The following PPFIA2 variants were observed in gnomAD, a reference collection of about 807,000 sequenced individuals.
PPFIA2 encodes the protein liprin-alpha-2.
A neutral mutation model predicts 175.5 loss-of-function variants in PPFIA2; 46 were observed. The observed-to-expected ratio is 0.26, with a 90% CI of 0.21 to 0.34. PPFIA2 has a LOEUF of 0.34. Among genes scored for constraint, PPFIA2 ranks in the 10% least tolerant of loss-of-function variants. The probability of loss-of-function intolerance (pLI) is 1.00; values close to 1 mark genes in which losing one functional copy is unlikely to be tolerated. For synonymous variants in PPFIA2, 568 were observed against 511.4 expected (o/e 1.11, Z -1.49); for missense variants, 1,179 against 1,506.1 (o/e 0.78, Z 3.60).
At chr12:81,579,318 A>T (rs1315986079) in intron 4 of PPFIA2, among the ~76,000 whole-genome samples, 3 of 151,842 alleles carry the variant, frequency 2.0e-5, no homozygotes, top group Admixed American at 2.0e-4. Flanking sequence ...GTTTTAATCA[A>T]GCTCTAATTT....
At chr12:81,484,597 C>A (rs1250909810) in intron 4 of PPFIA2, among the ~76,000 whole-genome samples, 2 of 151,930 alleles carry the variant, frequency 1.3e-5, no homozygotes, top group Non-Finnish European at 1.5e-5. Flanking sequence ...TAGCACTATT[C>A]ATTAGAGTAC....
chr12:81,282,935 A>T, intron 26 of PPFIA2, 75 bp downstream of exon 26: 1 of 1,317,568 alleles, frequency 7.6e-7, no homozygotes, highest in Non-Finnish European at 1.1e-6. Context: ...ATTATGACTT[A>T]TGACAGTTTC....
chr12:81,279,930 TA>T (rs1475628966), intron 27 of PPFIA2, among the ~76,000 whole-genome samples: 1 of 152,130 alleles, frequency 6.6e-6, no homozygotes, highest in Non-Finnish European at 1.5e-5. Context: ...CTGTGTTAAC[TA>T]AAAAATGAGG....
intron 8 of PPFIA2, 24 bp from the exon 9 acceptor site, chr12:81,384,268 G>A (rs369400172): frequency 4.4e-6 from 6 of 1,355,538 alleles, no homozygotes; most frequent in Non-Finnish European, 4.9e-6. Context: ...AAAAGAAATG[G>A]CACTTAAGAA....
chr12:81,741,054 GA>G lies in PPFIA2; in HGVS notation c.249+12918del, dbSNP rs530779941. Among the ~76,000 whole-genome samples, 566 of 152,112 alleles carry G rather than the reference GA, an allele frequency of 3.7e-3. 3 individuals carry two copies. The highest frequency in any genetic ancestry group is 0.012 in the African/African-American group (507 of 41,522). On this transcript the variant is annotated intron_variant, in intron 3 of 32. Transcript: ENST00000549396. ...CTTAGTGAAAAAACATGAAGAATGT[GA>G]AAAAAATGGAATTTCAAATCCACAG... is the stretch of plus-strand genomic sequence containing the variant.
intron 4 of PPFIA2, among the ~76,000 whole-genome samples, chr12:81,613,411 T>C (rs962248684): frequency 2.0e-5 from 3 of 152,188 alleles, no homozygotes; most frequent in Non-Finnish European, 2.9e-5. Context: ...CTATGTATTA[T>C]GTAGTGCACT....
intron 3 of PPFIA2, among the ~76,000 whole-genome samples, chr12:81,681,801 C>T (rs924860920): frequency 1.3e-5 from 2 of 151,550 alleles, no homozygotes; most frequent in African/African-American, 4.8e-5. Context: ...CAGGATCAGC[C>T]AATTATGTTA....
At chr12:81,642,232 T>C (rs941871069) in intron 4 of PPFIA2, among the ~76,000 whole-genome samples, 1 of 152,014 alleles carries the variant, frequency 6.6e-6, no homozygotes, top group Non-Finnish European at 1.5e-5. Context: ...CACAAAAGCT[T>C]ACATATCTGA....
At chr12:81,385,241 C>T (rs1054283353) in intron 8 of PPFIA2, among the ~76,000 whole-genome samples, 1 of 151,954 alleles carries the variant, frequency 6.6e-6, no homozygotes, top group Admixed American at 6.6e-5. Context: ...AAAATGGAAC[C>T]CTTGTATGCT....
chr12:81,415,125 C>T (rs1159388213), intron 7 of PPFIA2, among the ~76,000 whole-genome samples: 1 of 118,518 alleles, frequency 8.4e-6, no homozygotes, highest in East Asian at 2.8e-4. Flanking sequence ...AATCAAATTG[C>T]TTTGAGGTAA....
intron 8 of PPFIA2, among the ~76,000 whole-genome samples, chr12:81,395,409 C>T (rs184840505): frequency 6.6e-6 from 1 of 152,058 alleles, no homozygotes; most frequent in Admixed American, 6.6e-5. Context: ...TTAATTTAAG[C>T]AATTGCAGTA....
At chr12:81,375,225 A>C (rs528539413) in intron 10 of PPFIA2, among the ~76,000 whole-genome samples, 3 of 152,296 alleles carry the variant, frequency 2.0e-5, no homozygotes, top group Admixed American at 2.0e-4. Context: ...ATATGGCCTC[A>C]ATCCCAAATA....
At chr12:81,672,875 A>G (rs1481387745) in intron 4 of PPFIA2, among the ~76,000 whole-genome samples, 1 of 152,058 alleles carries the variant, frequency 6.6e-6, no homozygotes, top group Non-Finnish European at 1.5e-5. Flanking sequence ...GGAATGTCTC[A>G]TGTAGTCTCT....
chr12:81,536,745 CATATAT>C lies in PPFIA2; in HGVS notation c.304-78885_304-78880del, dbSNP rs3075445. 4.8e-3 allele frequency among the ~76,000 whole-genome samples: 653 copies of C among 136,664 alleles called. 24 individuals carry two copies. The East Asian group carries it at 0.074, about 15-fold the overall frequency. 89.7% of individuals were successfully genotyped at this position (136,664 alleles called of 152,430 possible). A position where few individuals can be genotyped will look rare whatever the true frequency, so the allele number is the denominator to read the frequency against. ...ATATACACAAATATATATACATAAA[CATATAT>C]ATATATATATATATATAGTTTTGAA... On this transcript the variant is annotated intron_variant, in intron 4 of 32. Coordinates refer to ENST00000549396, the MANE Select transcript of PPFIA2 (RefSeq NM_003625.5).
At chr12:81,339,089 GA>G (rs2057605458) in intron 21 of PPFIA2, 90 bp downstream of exon 21, 1 of 1,158,362 alleles carries the variant, frequency 8.6e-7, no homozygotes, top group East Asian at 2.7e-5. Context: ...GAAATGAAAA[GA>G]AGAGCAATGA....
chr12:81,673,877 T>C (rs987775851), intron 4 of PPFIA2, among the ~76,000 whole-genome samples: 21 of 152,036 alleles, frequency 1.4e-4, no homozygotes, highest in African/African-American at 5.1e-4. Context: ...TGATTTTCTT[T>C]TTCTTTATTA....
chr12:81,732,028 A>G (rs115190706), intron 3 of PPFIA2, among the ~76,000 whole-genome samples: 10 of 151,776 alleles, frequency 6.6e-5, no homozygotes, highest in African/African-American at 2.4e-4. Context: ...ACAGGATGAT[A>G]TGAGAAACAC....
Position 81,488,950 on chromosome 12 carries a change from G to A in PPFIA2, c.304-31084C>T, listed in dbSNP as rs151193910. ...ATATATGTATACAATTAGGCACAGC[G>A]CAATGATTCTATGACTGCAGGTTAG... is the stretch of plus-strand genomic sequence containing the variant. On this transcript the variant is annotated intron_variant, in intron 4 of 32. Transcript: ENST00000549396. Among the ~76,000 whole-genome samples, 14 of 151,892 alleles carry A rather than the reference G, an allele frequency of 9.2e-5. No homozygotes were observed. In the East Asian group the frequency reaches 1.4e-3, roughly 15 times the overall value.
At chr12:81,432,541 A>G (rs926127054) in intron 7 of PPFIA2, among the ~76,000 whole-genome samples, 13 of 149,894 alleles carry the variant, frequency 8.7e-5, no homozygotes, top group Non-Finnish European at 1.5e-4. Context: ...TCTTGGCCCA[A>G]TGCAACCTCT....
Sources: allele counts gnomAD v4.1 joint callset (sites outside exome capture counted in the v4.1 genomes callset), GRCh38; gene constraint gnomAD v4.1.1; transcripts MANE v1.5; gene names NCBI Gene and HGNC (gene_info 2026-07-23, HGNC 2026-07-21).